The following PDE4C variants were observed in gnomAD, a reference collection of about 807,000 sequenced individuals.
The protein encoded by PDE4C is 3',5'-cyclic-AMP phosphodiesterase 4C.
In PDE4C, 50 loss-of-function variants were observed where a neutral mutation model predicts 63.9. That is an observed-to-expected ratio of 0.78 (90% confidence interval 0.62 to 0.99). The LOEUF (loss-of-function observed/expected upper bound fraction) is 0.99, where lower values mean the gene tolerates loss of function less well. Ranked by LOEUF, PDE4C falls within the 50% of genes least tolerant of loss-of-function variation. PDE4C has a pLI of 0.00. For missense variants in PDE4C, 777 were observed against 899.1 expected (o/e 0.86, Z 1.74); for synonymous variants, 377 against 385.1 (o/e 0.98, Z 0.25).
At chr19:18,227,537 G>C (rs985711888), upstream of PDE4C, among the ~76,000 whole-genome samples, 1 of 152,216 alleles carries the variant, frequency 6.6e-6, no homozygotes, top group African/African-American at 2.4e-5. Context: ...TGGTGTCTGG[G>C]AGGATTCCCA....
chr19:18,213,493 G>A lies in PDE4C; in HGVS notation c.1390-3C>T. The A allele has an allele frequency of 6.2e-7, 1 of 1,608,810 alleles. No individual in the cohort carries two copies. Among genetic ancestry groups the A allele is most frequent in the South Asian group, 1.1e-5 (1 of 90,858 alleles). On this transcript the variant is annotated splice_region_variant and splice_polypyrimidine_tract_variant and intron_variant, in intron 12 of 14. Coordinates refer to ENST00000262805, the Ensembl canonical transcript of PDE4C. The stretch of plus-strand genomic sequence containing the variant: ...TTGGACATGTCTGTGGCCAGCACCT[G>A]GGGGCAGGCAAGGGAAGGTGACAGG...
At chr19:18,211,494 C>A (rs1967937179) in intron 14 of PDE4C, among the ~76,000 whole-genome samples, 1 of 152,180 alleles carries the variant, frequency 6.6e-6, no homozygotes, top group Non-Finnish European at 1.5e-5. Flanking sequence ...CCCCACAGGG[C>A]TGAATGTACG....
chr19:18,215,549 C>T lies in PDE4C; in HGVS notation c.1389+1192G>A, dbSNP rs183311777. Among the ~76,000 whole-genome samples, 209 of 151,510 alleles carry T rather than the reference C, an allele frequency of 1.4e-3. 1 individual carries two copies. Among genetic ancestry groups the T allele is most frequent in the African/African-American group, 4.9e-3 (202 of 41,324 alleles). ...TTTTTTTTTTTGAGACAGAGTCTTG[C>T]TCTGTTGCCAGGCTGGAATGCAGTG... On this transcript the variant is annotated intron_variant, in intron 12 of 14. Transcript: ENST00000262805.
chr19:18,211,852 G>A (rs373284282), exon 14 of PDE4C: 96 of 1,614,238 alleles, frequency 5.9e-5, no homozygotes, highest in Middle Eastern at 4.9e-4. Context: ...GGAAGAACTC[G>A]GCCATGATGC....
upstream of PDE4C, among the ~76,000 whole-genome samples, chr19:18,228,681 GTTAA>G (rs1568262990): frequency 1.3e-5 from 2 of 152,326 alleles, no homozygotes; most frequent in African/African-American, 4.8e-5. Context: ...ACAGGAAGGT[GTTAA>G]TTAATAGCTG....
exon 15 of PDE4C, chr19:18,210,909 C>A (rs778606769): frequency 2.4e-5 from 37 of 1,568,792 alleles, no homozygotes; most frequent in Non-Finnish European, 2.2e-5. Flanking sequence ...ATTGCCCCTG[C>A]AGTTCACGCA....
downstream of PDE4C, chr19:18,208,452 G>C (rs1967780135): frequency 1.3e-5 from 2 of 152,120 alleles, no homozygotes; most frequent in African/African-American, 4.8e-5. Flanking sequence ...ATCAGGGCTG[G>C]AGGATGCCAC....
chr19:18,221,407 C>A, intron 2 of PDE4C, 110 bp from the exon 3 acceptor site: 1 of 1,165,840 alleles, frequency 8.6e-7, no homozygotes, highest in Non-Finnish European at 1.2e-6. Context: ...CTCCTCCAGG[C>A]TCCTTCTTAG....
intron 4 of PDE4C, 47 bp downstream of exon 4, chr19:18,221,058 C>CCCCCCCCCCCCCCCCCCCAGGGG: frequency 8.2e-7 from 1 of 1,221,608 alleles, no homozygotes; most frequent in Non-Finnish European, 1.2e-6. Flanking sequence ...TTCCGCCCAC[C>CCCCCCCCCCCCCCCCCCCAGGGG]TTGTCTCTGC....
intron 1 of PDE4C, among the ~76,000 whole-genome samples, chr19:18,247,273 TC>T (rs1028933319): frequency 6.6e-6 from 1 of 151,868 alleles, no homozygotes; most frequent in Non-Finnish European, 1.5e-5. Context: ...TGTGAGCTGG[TC>T]CCCGAGCAGC....
intron 12 of PDE4C, among the ~76,000 whole-genome samples, chr19:18,214,143 A>AGCTACTCGGAAGGCT (rs1239973099): frequency 4.6e-5 from 7 of 151,994 alleles, no homozygotes; most frequent in Admixed American, 4.6e-4. Context: ...CGGTAGTCCC[A>AGCTACTCGGAAGGCT]GCTACTCGGA....
chr19:18,219,541 C>T (rs768437481), intron 7 of PDE4C, 144 bp from the exon 8 acceptor site: 144 of 919,362 alleles, frequency 1.6e-4, no homozygotes, highest in South Asian at 1.1e-3. Flanking sequence ...AAGACCCTGT[C>T]GGCCGGACGC....
chr19:18,211,364 T>G, intron 14 of PDE4C, 88 bp from the exon 15 acceptor site: 1 of 1,145,014 alleles, frequency 8.7e-7, no homozygotes, highest in East Asian at 2.6e-5. Context: ...AGCCAAGTTG[T>G]TCCCTCTGCC....
upstream of PDE4C, chr19:18,234,324 G>T (rs1249080583): frequency 6.6e-6 from 1 of 152,234 alleles, no homozygotes; most frequent in East Asian, 1.9e-4. Flanking sequence ...GATCTCATTC[G>T]CCCTGAGAAA....
At chr19:18,238,183 C>A (rs529716363), upstream of PDE4C, among the ~76,000 whole-genome samples, 1 of 151,564 alleles carries the variant, frequency 6.6e-6, no homozygotes, top group African/African-American at 2.4e-5. Flanking sequence ...CAAGATCATG[C>A]CACTGTACTT....
Position 18,224,547 on chromosome 19 carries a change from T to C in PDE4C, c.146+1723A>G, listed in dbSNP as rs1208251559. ...ATGAGTTCGGGAGAATTCGGCTACGTCCGATTGAGCTCGGGAGACTTCGGA... is the reference window on the plus strand; with the variant it reads ...ATGAGTTCGGGAGAATTCGGCTACGCCCGATTGAGCTCGGGAGACTTCGGA... On this transcript the variant is annotated intron_variant, in intron 1 of 14. Coordinates refer to ENST00000262805, the Ensembl canonical transcript of PDE4C. 4.1e-6 allele frequency: 4 copies of C among 981,704 alleles called. No individual in the cohort carries two copies. In the African/African-American group the frequency reaches 7.0e-5, roughly 17 times the overall value. The allele number at this position is 981,704 out of a possible 1,614,324, so 60.8% of individuals were successfully genotyped here. A position where few individuals can be genotyped will look rare whatever the true frequency, so the allele number is the denominator to read the frequency against.
chr19:18,252,143 CG>C, upstream of PDE4C: 1 of 398,640 alleles, frequency 2.5e-6, no homozygotes, highest in East Asian at 3.6e-5. Flanking sequence ...GGCTCCAGTG[CG>C]GGGTCAGGGA....
Position 18,220,858 on chromosome 19 carries a change from G to C in PDE4C, c.499+16C>G. ...CAGCTGTCCTCAGCGGGGGAGGGAA[G>C]GAACAGGTACTTTACCTGCAGGAGG... On this transcript the variant is annotated intron_variant, in intron 5 of 14. Transcript: ENST00000262805. The surrounding 1 kb of genome is among the most constrained non-coding windows in gnomAD (Gnocchi z 5.1). 1 of 1,605,896 alleles carries C rather than the reference G, an allele frequency of 6.2e-7. No individual in the cohort carries two copies. Among genetic ancestry groups the C allele is most frequent in the Middle Eastern group, 1.7e-4 (1 of 6,042 alleles).
At chr19:18,208,672 T>C (rs961428146), downstream of PDE4C, 1 of 152,186 alleles carries the variant, frequency 6.6e-6, no homozygotes, top group African/African-American at 2.4e-5. Flanking sequence ...AAAGATTTTA[T>C]TTAACCCCAG....
Sources: allele counts gnomAD v4.1 joint callset (sites outside exome capture counted in the v4.1 genomes callset), GRCh38; gene constraint gnomAD v4.1.1; non-coding constraint Gnocchi (gnomAD v3.1); transcripts MANE v1.5; gene names NCBI Gene and HGNC (gene_info 2026-07-23, HGNC 2026-07-21).